CHERP: variants seen among roughly 807,000 people sequenced by gnomAD.
CHERP encodes the protein calcium homeostasis endoplasmic reticulum protein, also known as ERPROT 213-21.
A neutral mutation model predicts 113.8 loss-of-function variants in CHERP; 8 were observed. The ratio of observed to expected loss-of-function variants is 0.07; its 90% CI spans 0.04 to 0.13. CHERP has a LOEUF of 0.13. Ranked by LOEUF, CHERP falls within the 10% of genes least tolerant of loss-of-function variation. The pLI is 1.00. For missense variants in CHERP, 884 were observed against 1,298.2 expected, an observed-to-expected ratio of 0.68 and a Z score of 4.90; for synonymous variants, 559 against 524.5, an observed-to-expected ratio of 1.07 and a Z score of -0.90.
Position 16,538,217 on chromosome 19 carries a change from A to C in CHERP, c.200-2581T>G, listed in dbSNP as rs897322893. The stretch of plus-strand genomic sequence containing the variant: ...GCCAGGCTCCCAATTCTGCACCCCC[A>C]CCTCTGGCCACTCCAAGAACCCCTC... On this transcript the variant is annotated intron_variant, in intron 2 of 16. Coordinates refer to ENST00000546361, the MANE Select transcript of CHERP (RefSeq NM_006387.6). Among the ~76,000 whole-genome samples the C allele has an allele frequency of 9.0e-4, 136 of 151,108 alleles. 3 individuals carry two copies. Among genetic ancestry groups the C allele is most frequent in the Admixed American group, 8.9e-3 (135 of 15,192 alleles).
At chr19:16,542,148 G>T in intron 1 of CHERP, 105 bp from the exon 2 acceptor site, 1 of 1,353,306 alleles carries the variant, frequency 7.4e-7, no homozygotes, top group Non-Finnish European at 9.9e-7. Context: ...CCCCAAGGGG[G>T]TGGGCCCCGA....
At chr19:16,539,902 G>A (rs1339667689) in intron 2 of CHERP, 1 of 152,278 alleles carries the variant, frequency 6.6e-6, no homozygotes, top group Non-Finnish European at 1.5e-5. Context: ...GCGCACTACA[G>A]CCCTGAACTC....
In CHERP at chr19:16,530,427, G is replaced by A. The variant is rs2085692540; in HGVS notation, c.876+158C>T. Among the ~76,000 whole-genome samples, 2 of 152,186 alleles carry A rather than the reference G, an allele frequency of 1.3e-5. No individual in the cohort carries two copies. The highest frequency in any genetic ancestry group is 1.3e-4 in the Admixed American group (2 of 15,278). On this transcript the variant is annotated intron_variant, in intron 7 of 16. Transcript: ENST00000546361. The surrounding 1 kb of genome is among the most constrained non-coding windows in gnomAD (Gnocchi z 4.1). ...CCTAAGGCCTGGGAAATGTCACCTG[G>A]GACTCTCTGGTCAACACACACTGGC...
chr19:16,528,558 T>C (rs12462232), intron 8 of CHERP, among the ~76,000 whole-genome samples: 12,473 of 152,316 alleles, frequency 0.082, 590 homozygotes, highest in Admixed American at 0.11. Context: ...ACATCTTTAC[T>C]GTATCTAATT....
rs545026843 is a variant in CHERP, at chr19:16,533,135, G to A, written c.398C>T (p.Ala133Val). 6.3e-6 allele frequency: 10 copies of A among 1,585,776 alleles called. No homozygotes were observed. The highest frequency in any genetic ancestry group is 2.3e-5 in the South Asian group (2 of 87,058). ...CTGCTCCACCGCGTGGGCCACGGCC[G>A]CTGTCACTTGCTCCTGCGGGCGGGG... ...LLALRQEQVT[A>V]AVAHAVEQQM... The change falls in exon 4 of 17, where the codon GCG (alanine) becomes GTG (valine). Residue 133 changes from alanine to valine, a missense_variant. Around this residue, in one of 8 missense-constraint regions of CHERP, gnomAD observed 109 missense variants for 134.2 expected, o/e 0.81. Transcript: ENST00000546361.
chr19:16,532,349 C>T lies in CHERP; in HGVS notation c.674+249G>A. ...TGGCCCCCAGGAGACAGCAATGTGACAGGTGAGGCCGGGGTCTAGGGGAGA... is the reference window on the plus strand; with the variant it reads ...TGGCCCCCAGGAGACAGCAATGTGATAGGTGAGGCCGGGGTCTAGGGGAGA... On this transcript the variant is annotated intron_variant, in intron 5 of 16. Transcript: ENST00000546361. This position sits in a 1 kb window ranked among gnomAD's most constrained non-coding sequence, Gnocchi z 4.4. 6.4e-6 allele frequency: 3 copies of T among 465,432 alleles called. No individual in the cohort carries two copies. Among genetic ancestry groups the T allele is most frequent in the South Asian group, 3.6e-5 (1 of 27,598 alleles). 28.8% of individuals were successfully genotyped at this position (465,432 alleles called of 1,614,324 possible). A position where few individuals can be genotyped will look rare whatever the true frequency, so the allele number is the denominator to read the frequency against.
intron 1 of CHERP, 84 bp downstream of exon 1, chr19:16,542,270 G>T: frequency 7.9e-7 from 1 of 1,265,364 alleles, no homozygotes; most frequent in Non-Finnish European, 1.0e-6. Context: ...CCCCCTCCCA[G>T]ACCCGGGGAC....
chr19:16,533,182 TGAG>T, intron 3 of CHERP, 34 bp from the exon 4 acceptor site: 1 of 1,560,480 alleles, frequency 6.4e-7, no homozygotes, highest in Non-Finnish European at 8.7e-7. Flanking sequence ...CGAGAACACA[TGAG>T]GAGGGACCCG....
Position 16,535,367 on chromosome 19 carries a change from C to G in CHERP, c.384+85G>C. 6.9e-7 allele frequency: 1 copy of G among 1,442,108 alleles called. No individual in the cohort carries two copies. Among genetic ancestry groups the G allele is most frequent in the Non-Finnish European group, 9.4e-7 (1 of 1,060,842 alleles). 89.3% of individuals were successfully genotyped at this position (1,442,108 alleles called of 1,614,324 possible). ...GGGGGGGCCCTGTCCTCACTGACAC[C>G]TGTTATTCATTCTGATGAGCAGACG... is the stretch of plus-strand genomic sequence containing the variant. On this transcript the variant is annotated intron_variant, in intron 3 of 16. Coordinates refer to ENST00000546361, the MANE Select transcript of CHERP (RefSeq NM_006387.6). The surrounding 1 kb of genome is among the most constrained non-coding windows in gnomAD (Gnocchi z 4.3).
In CHERP at chr19:16,520,006, T is replaced by C. The variant is rs1599744656; in HGVS notation, c.2462+143A>G. On this transcript the variant is annotated intron_variant, in intron 15 of 16. Transcript: ENST00000546361. The surrounding 1 kb of genome is among the most constrained non-coding windows in gnomAD (Gnocchi z 4.0). ...AGGCTTCGCCAAGTGGCTACTGTGG[T>C]GAAGGGTGAGGGGTGCCACTGTCCC... 4.6e-6 allele frequency: 4 copies of C among 876,842 alleles called. No individual in the cohort carries two copies. In the East Asian group the frequency reaches 7.3e-5, roughly 16 times the overall value. The allele number at this position is 876,842 out of a possible 1,614,324, so 54.3% of individuals were successfully genotyped here.
Position 16,530,844 on chromosome 19 carries a change from C to T in CHERP, c.711G>A (p.Leu237=). The change falls in exon 6 of 17, where the codon CTG becomes CTA. Residue 237 remains leucine, a synonymous_variant. Transcript: ENST00000546361. This position sits in a 1 kb window ranked among gnomAD's most constrained non-coding sequence, Gnocchi z 4.1. ...RKQARELLAA[L]QKVVVPIYCT... ...AGTAGATGGGCACCACGACCTTCTG[C>T]AGGGCGGCCAGCAGCTCCCGGGCCT... The T allele has an allele frequency of 1.2e-6, 2 of 1,613,766 alleles. No homozygotes were observed. Among genetic ancestry groups the T allele is most frequent in the African/African-American group, 1.3e-5 (1 of 75,062 alleles).
intron 12 of CHERP, chr19:16,521,174 G>C (rs1220267353): frequency 5.1e-6 from 3 of 585,188 alleles, no homozygotes; most frequent in Non-Finnish European, 6.1e-6. Flanking sequence ...GTGGAACTGG[G>C]AAACAGGAAC....
rs1180500532 is a variant in CHERP at position 16,519,804 on chromosome 19, G to A, written c.2463-89C>T. 1.2e-5 allele frequency: 14 copies of A among 1,120,162 alleles called. No homozygotes were observed. The highest frequency in any genetic ancestry group is 4.7e-5 in the East Asian group (2 of 42,468). 69.4% of individuals were successfully genotyped at this position (1,120,162 alleles called of 1,614,324 possible). A position where few individuals can be genotyped will look rare whatever the true frequency, so the allele number is the denominator to read the frequency against. On this transcript the variant is annotated intron_variant, in intron 15 of 16. Transcript: ENST00000546361. This position sits in a 1 kb window ranked among gnomAD's most constrained non-coding sequence, Gnocchi z 6.0. ...TGAGGACCTCACAGCCGCAGCTTGC[G>A]TGCATGCTCACTGTCACCAGGTGAC...
chr19:16,540,425 C>A lies in CHERP; in HGVS notation c.199+1445G>T, dbSNP rs2085770901. On this transcript the variant is annotated intron_variant, in intron 2 of 16. Transcript: ENST00000546361. The stretch of plus-strand genomic sequence containing the variant: ...TCTCATTCTGTCACCCAGGCTGGAG[C>A]GCAATGGTGTGGTCTCGGCTCAATG... Among the ~76,000 whole-genome samples the A allele has an allele frequency of 2.2e-5, 3 of 135,838 alleles. No individual in the cohort carries two copies. In the South Asian group the frequency reaches 7.0e-4, roughly 32 times the overall value. The allele number at this position is 135,838 out of a possible 152,430, so 89.1% of individuals were successfully genotyped here.
Position 16,520,102 on chromosome 19 carries a change from C to T in CHERP, c.2462+47G>A, listed in dbSNP as rs751380535. 90 of 1,574,400 alleles carry T rather than the reference C, an allele frequency of 5.7e-5. 1 individual carries two copies. The South Asian group carries it at 9.1e-4, about 16-fold the overall frequency. ...TGTTTCCACATTCACAGCAAAGCAC[C>T]GCAGCTTCCCAGAGTTACCAGCGCA... is the stretch of plus-strand genomic sequence containing the variant. On this transcript the variant is annotated intron_variant, in intron 15 of 16. Transcript: ENST00000546361. This position sits in a 1 kb window ranked among gnomAD's most constrained non-coding sequence, Gnocchi z 4.0.
chr19:16,536,738 TG>T (rs2085743763), intron 2 of CHERP, among the ~76,000 whole-genome samples: 1 of 152,228 alleles, frequency 6.6e-6, no homozygotes, highest in African/African-American at 2.4e-5. Flanking sequence ...CACATTGGGC[TG>T]GGCATGATGG....
chr19:16,539,178 C>G (rs956227071), intron 2 of CHERP, among the ~76,000 whole-genome samples: 1 of 144,746 alleles, frequency 6.9e-6, no homozygotes, highest in African/African-American at 2.6e-5. Context: ...GACGGAGTCT[C>G]GCTCTGTCGC....
At position 16,520,349 on chromosome 19, in the gene CHERP, G is replaced by A. The variant is rs1258946525; in HGVS notation, c.2345+15C>T. ...AAGAGGCCTCAGGCACTGCCCTGAG[G>A]CAGCCTCTGCCTACCTAGATCTGGA... On this transcript the variant is annotated intron_variant, in intron 14 of 16. Coordinates refer to ENST00000546361, the MANE Select transcript of CHERP (RefSeq NM_006387.6). The surrounding 1 kb of genome is among the most constrained non-coding windows in gnomAD (Gnocchi z 4.0). The A allele has an allele frequency of 1.2e-6, 2 of 1,612,120 alleles. No individual in the cohort carries two copies. Among genetic ancestry groups the A allele is most frequent in the Non-Finnish European group, 1.7e-6 (2 of 1,178,678 alleles).
chr19:16,533,094 G>A lies in CHERP; in HGVS notation c.439C>T (p.Leu147=). ...TTCATGTCTAGCTGGGTCTCCTCCA[G>A]AAGCTTCTGCATCTGCTGCTCCACC... The part of the protein sequence containing the change: ...HAVEQQMQKL[L]EETQLDMNEF... The change falls in exon 4 of 17, where the codon CTG becomes TTG. Residue 147 remains leucine (L), a synonymous_variant. Transcript: ENST00000546361. 1 of 1,584,442 alleles carries A rather than the reference G, an allele frequency of 6.3e-7. No individual in the cohort carries two copies. Among genetic ancestry groups the A allele is most frequent in the Non-Finnish European group, 8.6e-7 (1 of 1,165,312 alleles).
Sources: gnomAD v4.1 joint callset for allele counts (sites outside exome capture counted in the v4.1 genomes callset) on GRCh38, gnomAD v4.1.1 for gene constraint, gnomAD v4.1.1 regional missense constraint, Gnocchi (gnomAD v3.1) non-coding constraint, MANE v1.5 for transcripts, NCBI Gene and HGNC (gene_info 2026-07-23, HGNC 2026-07-21) for gene names.